Variants in DLGAP4 observed in about 807,000 individuals in gnomAD.
The protein encoded by DLGAP4 is DLG associated protein 4, also known as disks large-associated protein 4.
A neutral mutation model predicts 86.9 loss-of-function variants in DLGAP4; 18 were observed. The ratio of observed to expected loss-of-function variants is 0.21; its 90% CI spans 0.14 to 0.31. The LOEUF (loss-of-function observed/expected upper bound fraction) is 0.31, where lower values mean the gene tolerates loss of function less well. Ranked by LOEUF, DLGAP4 falls within the 10% of genes least tolerant of loss-of-function variation. The pLI, the probability that DLGAP4 is intolerant of heterozygous loss-of-function variation, is 1.00. For synonymous variants in DLGAP4, 548 were observed against 574.3 expected, an observed-to-expected ratio of 0.95 and a Z score of 0.65; for missense variants, 1,085 against 1,362.6, an observed-to-expected ratio of 0.80 and a Z score of 3.21.
Position 36,527,149 on chromosome 20 carries a change from A to C in DLGAP4, c.*118A>C, listed in dbSNP as rs568633161. 1.8e-6 allele frequency: 2 copies of C among 1,133,906 alleles called. No homozygotes were observed. Among genetic ancestry groups the C allele is most frequent in the East Asian group, 5.3e-5 (2 of 37,384 alleles). 70.2% of individuals were successfully genotyped at this position (1,133,906 alleles called of 1,614,324 possible). A position where few individuals can be genotyped will look rare whatever the true frequency, so the allele number is the denominator to read the frequency against. On this transcript the variant is annotated 3_prime_UTR_variant, in exon 13 of 13. Transcript: ENST00000339266. ...TATTCTGTCTAGAGACCCTGAGCCA[A>C]CTTTCAAATTGACGCATACAAGGGC...
chr20:36,467,371 A>T (rs1250894322), intron 7 of DLGAP4, among the ~76,000 whole-genome samples: 1 of 152,122 alleles, frequency 6.6e-6, no homozygotes, highest in African/African-American at 2.4e-5. Context: ...TGGCTGGATG[A>T]TAAGTGTGCA....
chr20:36,323,886 G>A (rs781784506), intron 1 of DLGAP4, among the ~76,000 whole-genome samples: 3 of 152,332 alleles, frequency 2.0e-5, no homozygotes, highest in East Asian at 1.9e-4. Context: ...GAGCTCAGGC[G>A]GTAAAGCTGG....
intron 1 of DLGAP4, among the ~76,000 whole-genome samples, chr20:36,337,048 G>C (rs1033932678): frequency 2.4e-4 from 37 of 152,186 alleles, no homozygotes; most frequent in African/African-American, 7.7e-4. Context: ...TCGGGAGAGA[G>C]TGGGTGGGGC....
At chr20:36,309,820 C>T (rs1036477872) in intron 1 of DLGAP4, among the ~76,000 whole-genome samples, 1 of 152,256 alleles carries the variant, frequency 6.6e-6, no homozygotes, top group African/African-American at 2.4e-5. Context: ...CTGAGGCCCA[C>T]TCAGTGTCCA....
In DLGAP4 at chr20:36,431,691, G is replaced by A; in HGVS notation, c.-27G>A. 1 of 1,553,688 alleles carries A rather than the reference G, an allele frequency of 6.4e-7. No individual in the cohort carries two copies. The highest frequency in any genetic ancestry group is 8.7e-7 in the Non-Finnish European group (1 of 1,148,262). On this transcript the variant is annotated 5_prime_UTR_variant, in exon 3 of 13. Coordinates refer to ENST00000339266, the MANE Select transcript of DLGAP4 (RefSeq NM_001365621.2). This position sits in a 1 kb window ranked among gnomAD's most constrained non-coding sequence, Gnocchi z 5.1. ...GGTGACCCGGGCGCCCTGCTAGGGT[G>A]AAGGCCCCTGCCCTCGGCCCGGGAT...
At chr20:36,438,753 G>C (rs907455670) in intron 4 of DLGAP4, among the ~76,000 whole-genome samples, 2 of 143,496 alleles carry the variant, frequency 1.4e-5, no homozygotes, top group African/African-American at 5.3e-5. Flanking sequence ...CTGTCGCCCA[G>C]GCTGGAGTGC....
intron 1 of DLGAP4, among the ~76,000 whole-genome samples, chr20:36,345,357 C>A (rs1412393303): frequency 6.6e-6 from 1 of 152,156 alleles, no homozygotes; most frequent in Non-Finnish European, 1.5e-5. Flanking sequence ...GGTGGACAAA[C>A]CAAGGTCAGG....
intron 1 of DLGAP4, among the ~76,000 whole-genome samples, chr20:36,346,525 C>T (rs2029945333): frequency 6.6e-6 from 1 of 152,176 alleles, no homozygotes; most frequent in Non-Finnish European, 1.5e-5. Context: ...GAACAGAGCC[C>T]ACAAAGTGGT....
intron 10 of DLGAP4, among the ~76,000 whole-genome samples, chr20:36,513,319 C>A (rs569776531): frequency 7.3e-4 from 111 of 151,290 alleles, no homozygotes; most frequent in African/African-American, 2.6e-3. Context: ...GAGGCCGAGG[C>A]GGGTGGATCA....
intron 10 of DLGAP4, among the ~76,000 whole-genome samples, chr20:36,523,125 C>T (rs1234801413): frequency 1.3e-5 from 2 of 152,190 alleles, no homozygotes; most frequent in African/African-American, 4.8e-5. Flanking sequence ...CACTCTGTCC[C>T]CCAGGCTGGA....
intron 2 of DLGAP4, among the ~76,000 whole-genome samples, chr20:36,387,439 T>C (rs1033105557): frequency 6.6e-6 from 1 of 152,242 alleles, no homozygotes; most frequent in African/African-American, 2.4e-5. Context: ...AAATATTTTC[T>C]CCAAGTTGTG....
At chr20:36,483,960 T>A (rs1234463910) in intron 7 of DLGAP4, among the ~76,000 whole-genome samples, 1 of 152,214 alleles carries the variant, frequency 6.6e-6, no homozygotes, top group Admixed American at 6.5e-5. Context: ...ACTGGGGAAC[T>A]GGCCTGGCCA....
chr20:36,497,516 G>GCCAGGGGCCCAGGAC (rs1456273972), intron 8 of DLGAP4: 13 of 995,716 alleles, frequency 1.3e-5, no homozygotes, highest in Non-Finnish European at 1.6e-5. Flanking sequence ...ACGCTGTTGG[G>GCCAGGGGCCCAGGAC]CCAGGGGCCC....
rs371924491 is a variant in DLGAP4 at position 36,496,656 on chromosome 20, G to A, written c.1649-49G>A. Reference sequence around the variant, plus strand: ...ATTGGAAGGGGCTTGAGAGGGTTGGGGGCTTCACCATCTCACCTCTCCCCT... The same window carrying A: ...ATTGGAAGGGGCTTGAGAGGGTTGGAGGCTTCACCATCTCACCTCTCCCCT... On this transcript the variant is annotated intron_variant, in intron 7 of 12. Coordinates refer to ENST00000339266, the MANE Select transcript of DLGAP4 (RefSeq NM_001365621.2). 18 of 1,558,580 alleles carry A rather than the reference G, an allele frequency of 1.2e-5. No homozygotes were observed. In the East Asian group the frequency reaches 1.8e-4, roughly 16 times the overall value.
At chr20:36,385,801 T>A (rs767438823) in intron 2 of DLGAP4, among the ~76,000 whole-genome samples, 2 of 152,220 alleles carry the variant, frequency 1.3e-5, no homozygotes, top group Non-Finnish European at 2.9e-5. Flanking sequence ...GACATGATTA[T>A]GGTGGCTGCC....
intron 2 of DLGAP4, among the ~76,000 whole-genome samples, chr20:36,373,810 A>T (rs2031037642): frequency 6.6e-6 from 1 of 152,190 alleles, no homozygotes; most frequent in Admixed American, 6.5e-5. Context: ...AGGCAGGCAG[A>T]TCACCTGAGG....
chr20:36,381,242 G>A (rs1270144975), intron 2 of DLGAP4, among the ~76,000 whole-genome samples: 1 of 152,244 alleles, frequency 6.6e-6, no homozygotes, highest in African/African-American at 2.4e-5. Context: ...GACAGTGACA[G>A]TCCCTGCCCC....
chr20:36,382,604 A>C, intron 2 of DLGAP4, among the ~76,000 whole-genome samples: 1 of 132,796 alleles, frequency 7.5e-6, no homozygotes, highest in African/African-American at 2.9e-5. Context: ...ATCTCGGCTC[A>C]CTGCAGCCTC....
intron 7 of DLGAP4, among the ~76,000 whole-genome samples, chr20:36,472,165 G>A (rs2034694709): frequency 6.6e-6 from 1 of 152,126 alleles, no homozygotes; most frequent in Non-Finnish European, 1.5e-5. Flanking sequence ...GGAAGGGAAA[G>A]TTCTATCATT....
Sources: allele counts gnomAD v4.1 joint callset (sites outside exome capture counted in the v4.1 genomes callset), GRCh38; gene constraint gnomAD v4.1.1; non-coding constraint Gnocchi (gnomAD v3.1); transcripts MANE v1.5; gene names NCBI Gene and HGNC (gene_info 2026-07-23, HGNC 2026-07-21).